The following COL10A1 variants were observed in gnomAD, a reference collection of about 807,000 sequenced individuals.
The protein encoded by COL10A1 is collagen alpha-1(X) chain.
Under a neutral mutation model 18.2 loss-of-function variants are expected in COL10A1, and 10 were observed. The ratio of observed to expected loss-of-function variants is 0.55; its 90% CI spans 0.34 to 0.93. The LOEUF is 0.93. Ranked by LOEUF, COL10A1 falls within the 40% of genes least tolerant of loss-of-function variation. COL10A1 has a pLI of 0.02. For missense variants in COL10A1, 897 were observed against 853.5 expected (o/e 1.05, Z -0.64); for synonymous variants, 330 against 316.6 (o/e 1.04, Z -0.45).
chr6:116,176,402 G>C, the COL10A1 span, among the ~76,000 whole-genome samples: 1 of 152,184 alleles, frequency 6.6e-6, no homozygotes, highest in Non-Finnish European at 1.5e-5. Context: ...TTCTGGCTCA[G>C]TCTCAGCCTT....
chr6:116,192,101 G>A, the COL10A1 span, among the ~76,000 whole-genome samples: 3 of 151,988 alleles, frequency 2.0e-5, no homozygotes, highest in Admixed American at 6.6e-5. Context: ...TTTGTCATGT[G>A]GACTTAATTA....
At chr6:116,185,513 C>G in the COL10A1 span, among the ~76,000 whole-genome samples, 3 of 151,976 alleles carry the variant, frequency 2.0e-5, no homozygotes, top group African/African-American at 7.2e-5. Context: ...TTTCTTAAGT[C>G]TAGTAGTAAC....
chr6:116,121,718 C>T lies in COL10A1; in HGVS notation c.398G>A (p.Gly133Asp). 6.2e-7 allele frequency: 1 copy of T among 1,614,066 alleles called. No homozygotes were observed. The highest frequency in any genetic ancestry group is 8.5e-7 in the Non-Finnish European group (1 of 1,180,008). ...TGGTGGGCCCCGGGGTCCTGGTAGG[C>T]CAGCTGGTCCAACATCTCCTTTTGG... Reference protein sequence around the residue: ...YGPKGDVGPAGLPGPRGPPGP... With the variant: ...YGPKGDVGPADLPGPRGPPGP... Residue 133 changes from glycine to aspartate, a missense_variant, in exon 3 of 3, where the codon GGC becomes GAC. Gly to Asp is a moderately conservative substitution (Grantham distance 94). Coordinates refer to ENST00000651968, the MANE Select transcript of COL10A1 (RefSeq NM_000493.4).
At chr6:116,206,898 G>T in the COL10A1 span, among the ~76,000 whole-genome samples, 2 of 151,898 alleles carry the variant, frequency 1.3e-5, no homozygotes, top group South Asian at 4.1e-4. Flanking sequence ...AAATAATTGT[G>T]TGCAAAATAT....
intron 2 of COL10A1, among the ~76,000 whole-genome samples, chr6:116,123,467 C>T (rs1779198485): frequency 6.6e-6 from 1 of 152,254 alleles, no homozygotes; most frequent in African/African-American, 2.4e-5. Context: ...TTAAATGCCA[C>T]AAACTGAAAT....
At chr6:116,164,158 G>A in the COL10A1 span, among the ~76,000 whole-genome samples, 10 of 152,168 alleles carry the variant, frequency 6.6e-5, no homozygotes, top group East Asian at 5.8e-4. Flanking sequence ...TTCTCCTTCA[G>A]TGATCTGTTT....
At position 116,120,048 on chromosome 6, in the gene COL10A1, A is replaced by C; in HGVS notation, c.*25T>G. 1 of 1,519,160 alleles carries C rather than the reference A, an allele frequency of 6.6e-7. No individual in the cohort carries two copies. The highest frequency in any genetic ancestry group is 1.1e-5 in the South Asian group (1 of 87,270). The allele number at this position is 1,519,160 out of a possible 1,614,324, so 94.1% of individuals were successfully genotyped here. On this transcript the variant is annotated 3_prime_UTR_variant, in exon 3 of 3. Coordinates refer to ENST00000651968, the MANE Select transcript of COL10A1 (RefSeq NM_000493.4). ...GTTAGAGAATGCTTTTTCTAGCACA[A>C]GATTTAGATTAGCTCTGTGTGTACT...
intron 1 of COL10A1, among the ~76,000 whole-genome samples, chr6:116,156,856 A>G (rs1288818709): frequency 6.6e-6 from 1 of 152,142 alleles, no homozygotes; most frequent in Non-Finnish European, 1.5e-5. Flanking sequence ...CCACGGCCCC[A>G]TTACATCACA....
At chr6:116,167,564 T>G in the COL10A1 span, among the ~76,000 whole-genome samples, 1 of 152,196 alleles carries the variant, frequency 6.6e-6, no homozygotes, top group South Asian at 2.1e-4. Flanking sequence ...ACCAGTTATT[T>G]GTACTGATTT....
chr6:116,202,447 A>G, the COL10A1 span, among the ~76,000 whole-genome samples: 6 of 152,096 alleles, frequency 3.9e-5, no homozygotes, highest in Non-Finnish European at 5.9e-5. Context: ...CGAGGAAACA[A>G]TGATCCCATA....
the COL10A1 span, among the ~76,000 whole-genome samples, chr6:116,209,009 A>G: frequency 6.6e-6 from 1 of 152,040 alleles, no homozygotes; most frequent in Admixed American, 6.6e-5. Flanking sequence ...ATCATTTTGT[A>G]ATATTCACTC....
chr6:116,132,369 C>T (rs568136925), intron 1 of COL10A1, among the ~76,000 whole-genome samples: 2 of 152,152 alleles, frequency 1.3e-5, no homozygotes, highest in South Asian at 2.1e-4. Context: ...GACCATTTCT[C>T]TAGCCTACTT....
the COL10A1 span, among the ~76,000 whole-genome samples, chr6:116,207,393 T>C: frequency 1.2e-4 from 19 of 152,080 alleles, no homozygotes; most frequent in African/African-American, 4.1e-4. Flanking sequence ...TTACAATCTT[T>C]AATTAGATAG....
the COL10A1 span, among the ~76,000 whole-genome samples, chr6:116,185,331 A>G: frequency 6.1e-3 from 934 of 152,180 alleles, 9 homozygotes; most frequent in Non-Finnish European, 0.01. Flanking sequence ...AAGAATGTCT[A>G]TTCTGCAGTT....
chr6:116,165,592 T>G, the COL10A1 span, among the ~76,000 whole-genome samples: 2 of 152,230 alleles, frequency 1.3e-5, no homozygotes, highest in African/African-American at 4.8e-5. Context: ...CTCTCCTACA[T>G]CCACAACAGT....
At chr6:116,185,398 T>A in the COL10A1 span, among the ~76,000 whole-genome samples, 2 of 152,214 alleles carry the variant, frequency 1.3e-5, no homozygotes, top group South Asian at 4.1e-4. Context: ...GGGTATAGTT[T>A]AAGTCCATTG....
rs925773379 is a variant in COL10A1 at position 116,119,307 on chromosome 6, C to T, written c.*766G>A. On this transcript the variant is annotated 3_prime_UTR_variant, in exon 3 of 3. Coordinates refer to ENST00000651968, the MANE Select transcript of COL10A1 (RefSeq NM_000493.4). ...AAGGAATTAAAGAAATCAAATTAAT[C>T]ACACTTGTGTTAACTAAATAAGAAT... 6.6e-6 allele frequency: 1 copy of T among 152,492 alleles called. No individual in the cohort carries two copies. Among genetic ancestry groups the T allele is most frequent in the African/African-American group, 2.4e-5 (1 of 41,456 alleles). 9.4% of individuals were successfully genotyped at this position (152,492 alleles called of 1,614,324 possible).
the COL10A1 span, among the ~76,000 whole-genome samples, chr6:116,164,801 T>C: frequency 6.6e-6 from 1 of 152,222 alleles, no homozygotes; most frequent in East Asian, 1.9e-4. Flanking sequence ...ACTTTATTTC[T>C]GCTTCATTTA....
the COL10A1 span, among the ~76,000 whole-genome samples, chr6:116,206,005 G>A: frequency 2.2e-4 from 34 of 152,048 alleles, no homozygotes; most frequent in African/African-American, 7.9e-4. Context: ...TGATCTAATA[G>A]ACCATTGGAC....
Sources: gnomAD v4.1 joint callset for allele counts (sites outside exome capture counted in the v4.1 genomes callset) on GRCh38, gnomAD v4.1.1 for gene constraint, MANE v1.5 for transcripts, NCBI Gene and HGNC (gene_info 2026-07-23, HGNC 2026-07-21) for gene names.